KCNK10: variants seen among roughly 807,000 people sequenced by gnomAD.
The protein encoded by KCNK10 is potassium channel subfamily K member 10.
Under a neutral mutation model 47.7 loss-of-function variants are expected in KCNK10, and 25 were observed. The ratio of observed to expected loss-of-function variants is 0.52; its 90% CI spans 0.38 to 0.73. KCNK10 has a LOEUF of 0.73. KCNK10 is among the 30% of genes least tolerant of loss of function. The probability of loss-of-function intolerance (pLI) is 0.00; values close to 1 mark genes in which losing one functional copy is unlikely to be tolerated. For missense variants in KCNK10, 563 were observed against 714.5 expected (o/e 0.79, Z 2.42); for synonymous variants, 303 against 285.6 (o/e 1.06, Z -0.61).
chr14:88,232,196 T>TAGTGGATCCAATAGAAACCATCAA (rs1886177201), intron 3 of KCNK10, among the ~76,000 whole-genome samples: 1 of 152,242 alleles, frequency 6.6e-6, no homozygotes, highest in Admixed American at 6.5e-5. Flanking sequence ...ATAGTGTGAA[T>TAGTGGATCCAATAGAAACCATCAA]AGTGGATCCA....
Position 88,185,421 on chromosome 14 carries a change from T to C in KCNK10, c.*114A>G, listed in dbSNP as rs1884508997. On this transcript the variant is annotated 3_prime_UTR_variant, in exon 7 of 7. Transcript: ENST00000319231. The surrounding 1 kb of genome is among the most constrained non-coding windows in gnomAD (Gnocchi z 4.3). ...TGGCACAGTGAAATATATTCTTCAA[T>C]GCTATGTAATTTTGGACTAAAAAGT... 3 of 1,381,322 alleles carry C rather than the reference T, an allele frequency of 2.2e-6. No individual in the cohort carries two copies. Among genetic ancestry groups the C allele is most frequent in the Admixed American group, 2.4e-5 (1 of 41,338 alleles). The allele number at this position is 1,381,322 out of a possible 1,614,324, so 85.6% of individuals were successfully genotyped here. A position where few individuals can be genotyped will look rare whatever the true frequency, so the allele number is the denominator to read the frequency against.
At chr14:88,201,395 C>T (rs1020151651) in intron 4 of KCNK10, among the ~76,000 whole-genome samples, 12 of 152,172 alleles carry the variant, frequency 7.9e-5, no homozygotes, top group African/African-American at 2.7e-4. Context: ...CAGTGGCTCA[C>T]GCCTGTAATC....
At chr14:88,228,516 A>T (rs965659267) in intron 3 of KCNK10, among the ~76,000 whole-genome samples, 2 of 152,232 alleles carry the variant, frequency 1.3e-5, no homozygotes, top group Non-Finnish European at 2.9e-5. Context: ...ATCTTATGTT[A>T]AAAAGTATCT....
At chr14:88,220,912 G>A (rs1885788350) in intron 4 of KCNK10, among the ~76,000 whole-genome samples, 1 of 151,818 alleles carries the variant, frequency 6.6e-6, no homozygotes, top group African/African-American at 2.4e-5. Context: ...TCAAGAGAAT[G>A]AAAAGATAAC....
chr14:88,212,829 C>T (rs1885503986), intron 4 of KCNK10, among the ~76,000 whole-genome samples: 1 of 152,204 alleles, frequency 6.6e-6, no homozygotes, highest in Non-Finnish European at 1.5e-5. Context: ...ATACAAAGTG[C>T]ACTTCTAACA....
intron 2 of KCNK10, among the ~76,000 whole-genome samples, chr14:88,259,759 C>T (rs1477345306): frequency 6.6e-6 from 1 of 151,982 alleles, no homozygotes; most frequent in Non-Finnish European, 1.5e-5. Context: ...ACCTGGCCAT[C>T]TAATGCTTTT....
At chr14:88,232,317 G>T (rs1205609321) in intron 3 of KCNK10, among the ~76,000 whole-genome samples, 1 of 152,190 alleles carries the variant, frequency 6.6e-6, no homozygotes, top group Non-Finnish European at 1.5e-5. Context: ...CAATATTTGT[G>T]TATTTCACAA....
chr14:88,286,358 A>C (rs1887759678), intron 1 of KCNK10, among the ~76,000 whole-genome samples: 1 of 152,186 alleles, frequency 6.6e-6, no homozygotes, highest in Non-Finnish European at 1.5e-5. Flanking sequence ...ATGGCTATGC[A>C]GCAATCCCAA....
Position 88,186,012 on chromosome 14 carries a change from C to T in KCNK10, c.1155G>A (p.Leu385=). ...GTGAGTGGGCCCGCTGGTCCAGGCC[C>T]AGCCGCCGGCGCTCCATGCTGCGGA... ...ATIRSMERRR[L]GLDQRAHSLD... Residue 385 remains leucine (L), a synonymous_variant, in exon 7 of 7, where the codon CTG becomes CTA. Transcript: ENST00000319231. The surrounding 1 kb of genome is among the most constrained non-coding windows in gnomAD (Gnocchi z 5.5). 6.2e-7 allele frequency: 1 copy of T among 1,613,422 alleles called. No homozygotes were observed. Among genetic ancestry groups the T allele is most frequent in the Non-Finnish European group, 8.5e-7 (1 of 1,179,920 alleles).
At chr14:88,200,136 T>C (rs1327847501) in intron 4 of KCNK10, among the ~76,000 whole-genome samples, 3 of 152,010 alleles carry the variant, frequency 2.0e-5, no homozygotes, top group Non-Finnish European at 4.4e-5. Flanking sequence ...TCTTTCTTTC[T>C]TTCCTTCCTT....
chr14:88,315,685 C>T lies in KCNK10; in HGVS notation c.52+7062G>A, dbSNP rs1277818006. Among the ~76,000 whole-genome samples the T allele has an allele frequency of 2.6e-5, 4 of 152,010 alleles. No homozygotes were observed. In the East Asian group the frequency reaches 5.8e-4, roughly 22 times the overall value. On this transcript the variant is annotated intron_variant, in intron 1 of 6. Coordinates refer to ENST00000319231, the MANE Select transcript of KCNK10 (RefSeq NM_138317.3). Reference sequence around the variant, plus strand: ...AAATTATGAATATTGGTGTTTTAGGCGTCTGCAAAGGTTACCGTGACTTCC... The same window carrying T: ...AAATTATGAATATTGGTGTTTTAGGTGTCTGCAAAGGTTACCGTGACTTCC...
chr14:88,196,303 G>A (rs1314143767), intron 4 of KCNK10, among the ~76,000 whole-genome samples: 1 of 152,200 alleles, frequency 6.6e-6, no homozygotes, highest in Non-Finnish European at 1.5e-5. Flanking sequence ...CAGGAGGAGA[G>A]GGAGCCAGTT....
In KCNK10 at chr14:88,186,646, G is replaced by A. The variant is rs539678254; in HGVS notation, c.1012-491C>T. ...GCCTTTCTGGTTTTCTATCCTGGCA[G>A]GGTGACCAACTTGTTCCAGTTTGCC... On this transcript the variant is annotated intron_variant, in intron 6 of 6. Transcript: ENST00000319231. This position sits in a 1 kb window ranked among gnomAD's most constrained non-coding sequence, Gnocchi z 5.5. 6.6e-6 allele frequency among the ~76,000 whole-genome samples: 1 copy of A among 152,306 alleles called. No individual in the cohort carries two copies. Among genetic ancestry groups the A allele is most frequent in the African/African-American group, 2.4e-5 (1 of 41,576 alleles).
chr14:88,213,287 GA>G lies in KCNK10; in HGVS notation c.681+14087del, dbSNP rs975298997. ...AGTAACATGAGGCTAAATGTAAAAA[GA>G]AAAAAAAAATTACGATAATTTTTTA... On this transcript the variant is annotated intron_variant, in intron 4 of 6. Coordinates refer to ENST00000319231, the MANE Select transcript of KCNK10 (RefSeq NM_138317.3). Among the ~76,000 whole-genome samples the G allele has an allele frequency of 3.8e-3, 562 of 147,300 alleles. 4 individuals carry two copies. The highest frequency in any genetic ancestry group is 5.1e-3 in the Admixed American group (75 of 14,774).
intron 6 of KCNK10, 56 bp downstream of exon 6, chr14:88,187,911 T>G: frequency 6.3e-7 from 1 of 1,595,630 alleles, no homozygotes; most frequent in Non-Finnish European, 8.6e-7. Context: ...CAGGCAATTC[T>G]GGACACAAGC....
chr14:88,242,763 G>A (rs76978612), intron 2 of KCNK10, among the ~76,000 whole-genome samples: 1,970 of 152,218 alleles, frequency 0.013, 29 homozygotes, highest in East Asian at 0.039. Flanking sequence ...TCACTGTGCC[G>A]TATGAGTACC....
intron 3 of KCNK10, among the ~76,000 whole-genome samples, chr14:88,240,229 A>C (rs1041631200): frequency 5.3e-5 from 8 of 152,246 alleles, no homozygotes; most frequent in African/African-American, 1.7e-4. Context: ...AAGTAGCACA[A>C]GCATGATATT....
At chr14:88,287,684 T>G (rs1392076457) in intron 1 of KCNK10, among the ~76,000 whole-genome samples, 141 of 26,394 alleles carry the variant, frequency 5.3e-3, no homozygotes, top group Non-Finnish European at 0.013. Flanking sequence ...GGTGTGTGTG[T>G]GTGTGTGTGT....
intron 4 of KCNK10, among the ~76,000 whole-genome samples, chr14:88,214,113 AT>A (rs1215744599): frequency 6.6e-6 from 1 of 151,586 alleles, no homozygotes; most frequent in Non-Finnish European, 1.5e-5. Context: ...CTAATTTTGT[AT>A]TTTTAGTAGA....
Sources: allele counts gnomAD v4.1 joint callset (sites outside exome capture counted in the v4.1 genomes callset), GRCh38; gene constraint gnomAD v4.1.1; non-coding constraint Gnocchi (gnomAD v3.1); transcripts MANE v1.5; gene names NCBI Gene and HGNC (gene_info 2026-07-23, HGNC 2026-07-21).